Variants in CCDC7 observed in about 807,000 individuals in gnomAD.
The protein encoded by CCDC7 is coiled-coil domain containing 7, also known as coiled-coil domain-containing protein 7.
A neutral mutation model predicts 196.9 loss-of-function variants in CCDC7; 183 were observed. That is an observed-to-expected ratio of 0.93 (90% confidence interval 0.82 to 1.05). The LOEUF is 1.05. Among genes scored for constraint, CCDC7 ranks in the 50% least tolerant of loss-of-function variants. The pLI, the probability that CCDC7 is intolerant of heterozygous loss-of-function variation, is 0.00. For missense variants in CCDC7, 1,540 were observed against 1,482.2 expected, an observed-to-expected ratio of 1.04 and a Z score of -0.64; for synonymous variants, 525 against 484.6, an observed-to-expected ratio of 1.08 and a Z score of -1.10.
chr10:32,655,987 C>T (rs2069762418), intron 20 of CCDC7, among the ~76,000 whole-genome samples: 1 of 152,106 alleles, frequency 6.6e-6, no homozygotes, highest in African/African-American at 2.4e-5. Flanking sequence ...CAAACATCTT[C>T]TCCCATTCTG....
rs1308611886 is a variant in CCDC7, at chr10:32,624,668, G to GCTT, written c.1802-9585_1802-9583dup. Among the ~76,000 whole-genome samples, 5 of 152,154 alleles carry GCTT rather than the reference G, an allele frequency of 3.3e-5. No homozygotes were observed. In the East Asian group the frequency reaches 9.7e-4, roughly 29 times the overall value. On this transcript the variant is annotated intron_variant, in intron 18 of 41. Transcript: ENST00000639629. ...CTATCTAGTGGCTACATTCCATAAG[G>GCTT]CTTTGGAGTCCTCCATTGCATCTTC...
At chr10:32,457,603 C>G (rs2034640683) in intron 3 of CCDC7, among the ~76,000 whole-genome samples, 1 of 152,090 alleles carries the variant, frequency 6.6e-6, no homozygotes, top group Non-Finnish European at 1.5e-5. Flanking sequence ...TGAGGAGACT[C>G]CATGCTATTT....
At chr10:32,725,145 A>G (rs925472392) in intron 25 of CCDC7, among the ~76,000 whole-genome samples, 20 of 152,040 alleles carry the variant, frequency 1.3e-4, no homozygotes, top group Non-Finnish European at 2.1e-4. Context: ...GACACCTTTA[A>G]TTTTAGTGTC....
chr10:32,775,213 A>G (rs953849827), intron 28 of CCDC7, among the ~76,000 whole-genome samples: 3 of 152,190 alleles, frequency 2.0e-5, no homozygotes, highest in Non-Finnish European at 4.4e-5. Flanking sequence ...TAGGTTCAAG[A>G]CAGCATGACT....
intron 5 of CCDC7, among the ~76,000 whole-genome samples, chr10:32,465,697 A>G (rs1167113401): frequency 6.6e-6 from 1 of 152,102 alleles, no homozygotes; most frequent in African/African-American, 2.4e-5. Context: ...CCATTCAAGT[A>G]TTACCTTTAT....
At chr10:32,707,339 C>G (rs1230143010) in intron 24 of CCDC7, among the ~76,000 whole-genome samples, 2 of 152,120 alleles carry the variant, frequency 1.3e-5, no homozygotes, top group Non-Finnish European at 2.9e-5. Context: ...TAAGAGCTCT[C>G]TATGACAAAC....
At chr10:32,727,502 G>A (rs1453232558) in intron 26 of CCDC7, among the ~76,000 whole-genome samples, 1 of 152,080 alleles carries the variant, frequency 6.6e-6, no homozygotes, top group African/African-American at 2.4e-5. Context: ...GAAGGGTGGA[G>A]GGAGTAACAC....
intron 20 of CCDC7, among the ~76,000 whole-genome samples, chr10:32,647,610 T>C (rs1031012790): frequency 1.3e-5 from 2 of 151,240 alleles, no homozygotes; most frequent in African/African-American, 2.4e-5. Flanking sequence ...TTTTTTCATA[T>C]GCTTGTTGGC....
intron 29 of CCDC7, among the ~76,000 whole-genome samples, chr10:32,782,265 C>G (rs561179383): frequency 3.0e-4 from 45 of 150,942 alleles, no homozygotes; most frequent in African/African-American, 1.1e-3. Flanking sequence ...GAGTCTTCCT[C>G]TGTCACCCAG....
intron 9 of CCDC7, among the ~76,000 whole-genome samples, chr10:32,507,575 T>C (rs1359098611): frequency 6.6e-6 from 1 of 152,104 alleles, no homozygotes; most frequent in Non-Finnish European, 1.5e-5. Context: ...CTTAGCCTCC[T>C]GAGTAGCTGG....
At chr10:32,591,401 T>C (rs2059768494) in intron 18 of CCDC7, among the ~76,000 whole-genome samples, 1 of 151,882 alleles carries the variant, frequency 6.6e-6, no homozygotes, top group Non-Finnish European at 1.5e-5. Flanking sequence ...TTAGGAAAAA[T>C]TAAGTGTTAT....
At chr10:32,786,005 G>T (rs975957288) in intron 29 of CCDC7, among the ~76,000 whole-genome samples, 7 of 152,148 alleles carry the variant, frequency 4.6e-5, no homozygotes, top group African/African-American at 1.7e-4. Flanking sequence ...TGGGCTCAAT[G>T]CAAGCCTAGC....
chr10:32,795,280 C>T (rs2083374239), intron 29 of CCDC7, among the ~76,000 whole-genome samples: 3 of 152,056 alleles, frequency 2.0e-5, no homozygotes, highest in African/African-American at 7.2e-5. Context: ...TTCTTCCCCC[C>T]TTCACTCTGT....
intron 29 of CCDC7, among the ~76,000 whole-genome samples, chr10:32,796,080 C>A (rs909762344): frequency 3.9e-5 from 6 of 152,058 alleles, no homozygotes; most frequent in African/African-American, 1.2e-4. Context: ...CCTCTGTCTC[C>A]TCTGTCCTCA....
chr10:32,794,634 T>A (rs1336911830), intron 29 of CCDC7, among the ~76,000 whole-genome samples: 3 of 152,228 alleles, frequency 2.0e-5, no homozygotes, highest in African/African-American at 7.2e-5. Context: ...ACTAGTGTGA[T>A]ATGTTATCTC....
At chr10:32,783,237 G>A (rs1592710758) in intron 29 of CCDC7, among the ~76,000 whole-genome samples, 1 of 152,072 alleles carries the variant, frequency 6.6e-6, no homozygotes, top group South Asian at 2.1e-4. Context: ...CCAGAGAGTG[G>A]GAGAAAATAT....
intron 29 of CCDC7, among the ~76,000 whole-genome samples, chr10:32,800,916 A>G (rs2084655682): frequency 6.6e-6 from 1 of 152,228 alleles, no homozygotes; most frequent in South Asian, 2.1e-4. Flanking sequence ...CACTTCTAGA[A>G]ACACCGTGAT....
chr10:32,724,091 CT>C lies in CCDC7; in HGVS notation c.2570-2642del, dbSNP rs563332809. On this transcript the variant is annotated intron_variant, in intron 25 of 41. Transcript: ENST00000639629. Reference sequence around the variant, plus strand: ...AAGCTAAAAGGAAGGATTATTAGTTCTCCCTGAGACCTGAAAAGCTTATATA... The same window carrying C: ...AAGCTAAAAGGAAGGATTATTAGTTCCCCTGAGACCTGAAAAGCTTATATA... Among the ~76,000 whole-genome samples, 24 of 152,202 alleles carry C rather than the reference CT, an allele frequency of 1.6e-4. 1 individual carries two copies. The South Asian group carries it at 5.0e-3, about 32-fold the overall frequency.
At chr10:32,601,905 C>A (rs541376555) in intron 18 of CCDC7, among the ~76,000 whole-genome samples, 108 of 152,224 alleles carry the variant, frequency 7.1e-4, no homozygotes, top group African/African-American at 2.4e-3. Context: ...GTAAAATGGA[C>A]CAATCAGCAC....
Sources: allele counts gnomAD v4.1 joint callset (sites outside exome capture counted in the v4.1 genomes callset), GRCh38; gene constraint gnomAD v4.1.1; transcripts MANE v1.5; gene names NCBI Gene and HGNC (gene_info 2026-07-23, HGNC 2026-07-21).